Variants in CADPS observed in about 807,000 individuals in gnomAD.
CADPS encodes calcium dependent secretion activator.
Under a neutral mutation model 167.3 loss-of-function variants are expected in CADPS, and 57 were observed. That is an observed-to-expected ratio of 0.34 (90% CI 0.28 to 0.42). The LOEUF is 0.42. CADPS is among the 20% of genes least tolerant of loss of function. The pLI, the probability that CADPS is intolerant of heterozygous loss-of-function variation, is 1.00. For synonymous variants in CADPS, 676 were observed against 635.3 expected (o/e 1.06, Z -0.96); for missense variants, 1,414 against 1,738.1 (o/e 0.81, Z 3.32).
intron 24 of CADPS, among the ~76,000 whole-genome samples, chr3:62,472,343 G>A (rs1005934889): frequency 9.9e-5 from 15 of 152,186 alleles, no homozygotes; most frequent in Admixed American, 2.0e-4. Context: ...AATTTTATGG[G>A]TATGTGAATT....
chr3:62,586,206 C>T (rs2084591223), intron 7 of CADPS, among the ~76,000 whole-genome samples: 1 of 152,210 alleles, frequency 6.6e-6, no homozygotes. Context: ...AAAAGCTGGG[C>T]TTGCTAAGAT....
intron 1 of CADPS, among the ~76,000 whole-genome samples, chr3:62,804,647 G>A (rs1387684841): frequency 1.3e-5 from 2 of 151,898 alleles, no homozygotes; most frequent in Admixed American, 6.6e-5. Context: ...GAAACACCCC[G>A]AGAAATAGCT....
chr3:62,660,923 G>T (rs190702574), intron 4 of CADPS, among the ~76,000 whole-genome samples: 1 of 152,186 alleles, frequency 6.6e-6, no homozygotes, highest in Non-Finnish European at 1.5e-5. Context: ...TGAGCTGAGG[G>T]TGTGCCACAA....
chr3:62,872,018 C>T (rs560461539), intron 1 of CADPS, among the ~76,000 whole-genome samples: 190 of 152,304 alleles, frequency 1.2e-3, no homozygotes, highest in Non-Finnish European at 2.2e-3. Flanking sequence ...GCATTATACT[C>T]TGTACAATAT....
rs936269193 is a variant in CADPS at position 62,613,218 on chromosome 3, G to A, written c.1326-20470C>T. Among the ~76,000 whole-genome samples the A allele has an allele frequency of 2.6e-5, 4 of 152,118 alleles. 1 individual carries two copies. The highest frequency in any genetic ancestry group is 6.3e-3 in the Middle Eastern group (2 of 316). On this transcript the variant is annotated intron_variant, in intron 6 of 29. Coordinates refer to ENST00000383710, the MANE Select transcript of CADPS (RefSeq NM_003716.4). ...AGCTTCAAACTCAACAGAAGGAAGC[G>A]ATCTACTTAAACCCCTGTTCTTCAC...
intron 6 of CADPS, among the ~76,000 whole-genome samples, chr3:62,611,700 G>C (rs976899938): frequency 2.6e-5 from 4 of 152,130 alleles, no homozygotes; most frequent in African/African-American, 9.7e-5. Context: ...AAAATGCCAA[G>C]CATGCTTTCC....
intron 7 of CADPS, among the ~76,000 whole-genome samples, chr3:62,586,307 G>A (rs1476999241): frequency 6.6e-6 from 1 of 152,166 alleles, no homozygotes; most frequent in Admixed American, 6.5e-5. Flanking sequence ...AAGGATGGCA[G>A]GCCCCTTTCC....
intron 6 of CADPS, among the ~76,000 whole-genome samples, chr3:62,624,487 T>C (rs1335265821): frequency 6.6e-6 from 1 of 152,014 alleles, no homozygotes; most frequent in African/African-American, 2.4e-5. Flanking sequence ...CTAGGGCTGG[T>C]AATATATTTT....
chr3:62,441,813 A>G (rs78177322), intron 27 of CADPS, among the ~76,000 whole-genome samples: 1,559 of 152,296 alleles, frequency 0.01, 31 homozygotes, highest in African/African-American at 0.036. Flanking sequence ...TGCTGTTTCA[A>G]TTTTGTCTGG....
chr3:62,603,683 T>A (rs2060286438), intron 6 of CADPS, among the ~76,000 whole-genome samples: 1 of 152,210 alleles, frequency 6.6e-6, no homozygotes, highest in Non-Finnish European at 1.5e-5. Flanking sequence ...AGAGCTTCCA[T>A]CTCTTTGCTT....
intron 18 of CADPS, among the ~76,000 whole-genome samples, chr3:62,494,960 G>A (rs949150793): frequency 3.3e-5 from 5 of 152,070 alleles, no homozygotes; most frequent in Non-Finnish European, 7.3e-5. Context: ...ACCACACCTG[G>A]CCTCTTACCA....
intron 28 of CADPS, among the ~76,000 whole-genome samples, chr3:62,435,182 A>C (rs1188906301): frequency 2.0e-5 from 3 of 152,210 alleles, no homozygotes; most frequent in Non-Finnish European, 4.4e-5. Context: ...TTGTTTAGAA[A>C]CTTGCCCCAG....
intron 1 of CADPS, among the ~76,000 whole-genome samples, chr3:62,771,987 T>C (rs1422179189): frequency 1.3e-5 from 2 of 152,176 alleles, no homozygotes; most frequent in Admixed American, 6.6e-5. Flanking sequence ...CTTGGTCAAG[T>C]AACTGGTTTT....
chr3:62,522,662 C>T (rs939354450), intron 13 of CADPS, among the ~76,000 whole-genome samples: 2 of 152,070 alleles, frequency 1.3e-5, no homozygotes, highest in Non-Finnish European at 2.9e-5. Context: ...AAGCACATAT[C>T]TCTTCCTTCA....
intron 11 of CADPS, among the ~76,000 whole-genome samples, chr3:62,540,971 G>A (rs1417188568): frequency 6.6e-6 from 1 of 152,088 alleles, no homozygotes; most frequent in Non-Finnish European, 1.5e-5. Context: ...GGACATTCTG[G>A]GATCACTTCC....
intron 27 of CADPS, chr3:62,441,241 T>G (rs1407646082): frequency 2.6e-5 from 4 of 152,206 alleles, no homozygotes; most frequent in Non-Finnish European, 5.9e-5. Context: ...TTGGACAGAC[T>G]GATTGAATAT....
chr3:62,513,334 T>G (rs1025335815), intron 16 of CADPS, among the ~76,000 whole-genome samples: 3 of 151,976 alleles, frequency 2.0e-5, no homozygotes, highest in South Asian at 2.1e-4. Context: ...GACAAGCACT[T>G]TACAAATTAG....
chr3:62,674,984 T>C (rs1290461051), intron 3 of CADPS, among the ~76,000 whole-genome samples: 2 of 152,238 alleles, frequency 1.3e-5, no homozygotes, highest in Non-Finnish European at 2.9e-5. Context: ...TAGGTTAATT[T>C]ATTCCATGGT....
At chr3:62,460,717 A>C (rs1302940256) in intron 26 of CADPS, among the ~76,000 whole-genome samples, 1 of 152,238 alleles carries the variant, frequency 6.6e-6, no homozygotes, top group Non-Finnish European at 1.5e-5. Flanking sequence ...CGCAAATTCT[A>C]GTGGGGAGAA....
Sources: allele counts gnomAD v4.1 joint callset (sites outside exome capture counted in the v4.1 genomes callset), GRCh38; gene constraint gnomAD v4.1.1; transcripts MANE v1.5; gene names NCBI Gene and HGNC (gene_info 2026-07-23, HGNC 2026-07-21).